Variants in GALNT5 observed in about 807,000 individuals in gnomAD.
The protein encoded by GALNT5 is UDP-GalNAc:polypeptide N-acetylgalactosaminyltransferase 5.
GALNT5 carries 72 observed loss-of-function variants against 85.4 expected under a neutral mutation model. The observed-to-expected ratio is 0.84, with a 90% CI of 0.70 to 1.03. The LOEUF (loss-of-function observed/expected upper bound fraction) is 1.03. Among genes scored for constraint, GALNT5 ranks in the 50% least tolerant of loss-of-function variants. GALNT5 has a pLI of 0.00. For synonymous variants in GALNT5, 404 were observed against 397.0 expected, an observed-to-expected ratio of 1.02 and a Z score of -0.21; for missense variants, 1,137 against 1,135.5, an observed-to-expected ratio of 1.00 and a Z score of -0.02.
At chr2:157,304,571 A>G (rs1449225502) in intron 7 of GALNT5, among the ~76,000 whole-genome samples, 2 of 152,200 alleles carry the variant, frequency 1.3e-5, no homozygotes, top group East Asian at 1.9e-4. Flanking sequence ...TGTTTTTCCC[A>G]GTGCAGCATT....
chr2:157,265,700 C>G (rs1172897999), intron 1 of GALNT5, among the ~76,000 whole-genome samples: 1 of 152,132 alleles, frequency 6.6e-6, no homozygotes, highest in East Asian at 1.9e-4. Context: ...TCTGGCTGAT[C>G]CAATCAGAAC....
chr2:157,300,600 TTTC>T, intron 6 of GALNT5, 73 bp from the exon 7 acceptor site: 1 of 1,163,828 alleles, frequency 8.6e-7, no homozygotes, highest in Non-Finnish European at 1.3e-6. Flanking sequence ...AACAAGGTGG[TTTC>T]TTGTCATTGT....
At chr2:157,269,533 CT>C (rs1168636037) in intron 1 of GALNT5, among the ~76,000 whole-genome samples, 1 of 152,146 alleles carries the variant, frequency 6.6e-6, no homozygotes, top group Non-Finnish European at 1.5e-5. Flanking sequence ...AGAGGTACTA[CT>C]TATTTGCTGG....
At position 157,270,600 on chromosome 2, in the gene GALNT5, C is replaced by CT. The variant is rs1219546915; in HGVS notation, c.1454+11067dup. Among the ~76,000 whole-genome samples the CT allele has an allele frequency of 9.2e-5, 14 of 152,288 alleles. No homozygotes were observed. In the East Asian group the frequency reaches 2.5e-3, roughly 27 times the overall value. On this transcript the variant is annotated intron_variant, in intron 1 of 9. Coordinates refer to ENST00000259056, the MANE Select transcript of GALNT5 (RefSeq NM_014568.3). The stretch of plus-strand genomic sequence containing the variant: ...GGAAATATTTCTTCCACTATTTAAG[C>CT]TTTAAGTTCCATCTCATCTCCATCC...
intron 1 of GALNT5, among the ~76,000 whole-genome samples, chr2:157,263,689 GT>G (rs1249898778): frequency 6.6e-6 from 1 of 152,172 alleles, no homozygotes; most frequent in Non-Finnish European, 1.5e-5. Context: ...TTTACAATTT[GT>G]TTCTCTGAAA....
chr2:157,299,285 T>A (rs16841516), intron 5 of GALNT5: 14,528 of 331,994 alleles, frequency 0.044, 1,623 homozygotes, highest in African/African-American at 0.25. Flanking sequence ...AAAATAACAT[T>A]CCTGGACAGT....
chr2:157,277,229 G>A (rs1015856608), intron 1 of GALNT5, among the ~76,000 whole-genome samples: 3 of 152,156 alleles, frequency 2.0e-5, no homozygotes, highest in African/African-American at 4.8e-5. Flanking sequence ...GCTGAGGAAT[G>A]CTTTACTTCC....
chr2:157,296,592 G>T (rs1574030077), intron 5 of GALNT5, 79 bp downstream of exon 5: 19 of 1,049,750 alleles, frequency 1.8e-5, no homozygotes, highest in Non-Finnish European at 7.2e-6. Context: ...CAAAACAGCT[G>T]TATCTTGTTA....
chr2:157,318,341 A>G lies in GALNT5; in HGVS notation c.*6993A>G, dbSNP rs567058291. Among the ~76,000 whole-genome samples, 12 of 152,306 alleles carry G rather than the reference A, an allele frequency of 7.9e-5. No individual in the cohort carries two copies. Among genetic ancestry groups the G allele is most frequent in the African/African-American group, 2.9e-4 (12 of 41,582 alleles). On this transcript the variant is annotated 3_prime_UTR_variant, in exon 10 of 10. Transcript: ENST00000259056. ...GAGATTTCTTCAAGTTGTTCGTGTTAAGATGCATCTTAAACATGATCTCAG... is the reference window on the plus strand; with the variant it reads ...GAGATTTCTTCAAGTTGTTCGTGTTGAGATGCATCTTAAACATGATCTCAG...
rs576833111 is a variant in GALNT5, at chr2:157,316,082, T to C, written c.*4734T>C. 5.3e-5 allele frequency among the ~76,000 whole-genome samples: 8 copies of C among 152,172 alleles called. No homozygotes were observed. The South Asian group carries it at 1.7e-3, about 32-fold the overall frequency. Reference sequence around the variant, plus strand: ...CCACCCTAACCTTTTATTATGCAAATGCATCTTCTACCTGGCTGTCACCAT... The same window carrying C: ...CCACCCTAACCTTTTATTATGCAAACGCATCTTCTACCTGGCTGTCACCAT... On this transcript the variant is annotated 3_prime_UTR_variant, in exon 10 of 10. Coordinates refer to ENST00000259056, the MANE Select transcript of GALNT5 (RefSeq NM_014568.3).
At chr2:157,297,440 A>G (rs1422979999) in intron 5 of GALNT5, among the ~76,000 whole-genome samples, 2 of 152,216 alleles carry the variant, frequency 1.3e-5, no homozygotes, top group Non-Finnish European at 2.9e-5. Context: ...ACTTAAAAGC[A>G]TTAAGTAATT....
chr2:157,259,341 C>A lies in GALNT5; in HGVS notation c.1259C>A (p.Thr420Lys). Residue 420 changes from threonine (T) to lysine (K), a missense_variant, in exon 1 of 10, where the codon ACG (threonine) becomes AAG (lysine). Thr to Lys is a moderately conservative substitution (Grantham distance 78). Transcript: ENST00000259056. Reference sequence around the variant, plus strand: ...GCCCTTTTACCTGAAGACAGTGGAACGCACCAGGTGTTAAGAATTGATGTG... The same window carrying A: ...GCCCTTTTACCTGAAGACAGTGGAAAGCACCAGGTGTTAAGAATTGATGTG... ...IKALLPEDSG[T>K]HQVLRIDVTL... The A allele has an allele frequency of 1.3e-6, 2 of 1,557,630 alleles. No individual in the cohort carries two copies. The highest frequency in any genetic ancestry group is 1.7e-6 in the Non-Finnish European group (2 of 1,154,060).
chr2:157,302,210 T>C (rs1182220821), intron 7 of GALNT5: 2 of 152,240 alleles, frequency 1.3e-5, no homozygotes, highest in African/African-American at 4.8e-5. Flanking sequence ...TTTTCAGTTC[T>C]TCTTGAGAGT....
intron 1 of GALNT5, among the ~76,000 whole-genome samples, chr2:157,279,910 GGGAGCTGCAGATC>G (rs1320266372): frequency 6.6e-6 from 1 of 152,166 alleles, no homozygotes; most frequent in Non-Finnish European, 1.5e-5. Flanking sequence ...CAATCACGCT[GGGAGCTGCAGATC>G]GGAGCTGTTC....
At position 157,313,842 on chromosome 2, in the gene GALNT5, A is replaced by T. The variant is rs1683633148; in HGVS notation, c.*2494A>T. On this transcript the variant is annotated 3_prime_UTR_variant, in exon 10 of 10. Coordinates refer to ENST00000259056, the MANE Select transcript of GALNT5 (RefSeq NM_014568.3). ...TATTTAAATCTATATTGTCAATATA[A>T]CAAAGGATTGTTTTTGAACATCACA... 6.6e-6 allele frequency: 1 copy of T among 152,202 alleles called. No individual in the cohort carries two copies. The highest frequency in any genetic ancestry group is 1.5e-5 in the Non-Finnish European group (1 of 68,042). 9.4% of individuals were successfully genotyped at this position (152,202 alleles called of 1,614,324 possible). A position where few individuals can be genotyped will look rare whatever the true frequency, so the allele number is the denominator to read the frequency against.
intron 3 of GALNT5, among the ~76,000 whole-genome samples, chr2:157,289,662 A>AT (rs1035219124): frequency 4.6e-5 from 7 of 152,066 alleles, no homozygotes; most frequent in East Asian, 1.9e-4. Context: ...CTGAAAAGGA[A>AT]TTTTTTTCCC....
chr2:157,289,653 T>C (rs1374462697), intron 3 of GALNT5, among the ~76,000 whole-genome samples: 1 of 152,172 alleles, frequency 6.6e-6, no homozygotes, highest in African/African-American at 2.4e-5. Flanking sequence ...CCAAACTATC[T>C]GAAAAGGAAT....
rs1488483219 is a variant in GALNT5, at chr2:157,259,514, A to G, written c.1432A>G (p.Ile478Val). The change falls in exon 1 of 10, where the codon ATT becomes GTT. Residue 478 changes from isoleucine to valine, a missense_variant. By Grantham distance (29) the Ile-to-Val change is conservative (BLOSUM62 3). Coordinates refer to ENST00000259056, the MANE Select transcript of GALNT5 (RefSeq NM_014568.3). ...CGATTTGATCCCAGTGGATAGAGCC[A>G]TTGAAGACACCAGACCTGCTGGGTA... ...LSDLIPVDRA[I>V]EDTRPAGCAE... 1 of 1,382,044 alleles carries G rather than the reference A, an allele frequency of 7.2e-7. No individual in the cohort carries two copies. The highest frequency in any genetic ancestry group is 9.4e-7 in the Non-Finnish European group (1 of 1,058,954). 85.6% of individuals were successfully genotyped at this position (1,382,044 alleles called of 1,614,324 possible).
At chr2:157,259,742 CTT>C (rs1002994403) in intron 1 of GALNT5, among the ~76,000 whole-genome samples, 14 of 152,204 alleles carry the variant, frequency 9.2e-5, no homozygotes, top group Non-Finnish European at 1.9e-4. Flanking sequence ...TTCTCTGAGA[CTT>C]TGGTCCCTAC....
Sources: gnomAD v4.1 joint callset for allele counts (sites outside exome capture counted in the v4.1 genomes callset) on GRCh38, gnomAD v4.1.1 for gene constraint, MANE v1.5 for transcripts, NCBI Gene and HGNC (gene_info 2026-07-23, HGNC 2026-07-21) for gene names.